RBBP8: variants seen among roughly 807,000 people sequenced by gnomAD.
RBBP8 encodes the protein RB binding protein 8, endonuclease.
In RBBP8, 88 loss-of-function variants were observed where a neutral mutation model predicts 108.3. That is an observed-to-expected ratio of 0.81 (90% CI 0.68 to 0.97). The LOEUF (loss-of-function observed/expected upper bound fraction) is 0.97. RBBP8 is among the 50% of genes least tolerant of loss of function. RBBP8 has a pLI of 0.00. For synonymous variants in RBBP8, 332 were observed against 348.2 expected (o/e 0.95, Z 0.52); for missense variants, 1,023 against 1,049.0 (o/e 0.98, Z 0.34).
chr18:22,989,248 CT>C lies in RBBP8; in HGVS notation c.738del (p.Asp247IlefsTer7), dbSNP rs1304958368. On this transcript the variant is annotated frameshift_variant, in exon 9 of 19. Coordinates refer to ENST00000327155, the MANE Select transcript of RBBP8 (RefSeq NM_002894.3). LOFTEE classifies it high-confidence loss of function. ...AKAHGTSSYTPDKSSFNLATV... is the reference protein window; with the variant it reads ...AKAHGTSSYTXDKSSFNLATV... ...GCACATGGAACAAGCAGCTATACCC[CT>C]GATAAGTCATCTTTTAATTTAGCTA... 1.2e-6 allele frequency: 2 copies of C among 1,610,320 alleles called. No individual in the cohort carries two copies. Among genetic ancestry groups the C allele is most frequent in the Non-Finnish European group, 1.7e-6 (2 of 1,177,088 alleles).
At chr18:23,007,572 C>T (rs1248319974) in intron 16 of RBBP8, among the ~76,000 whole-genome samples, 1 of 150,810 alleles carries the variant, frequency 6.6e-6, no homozygotes, top group Non-Finnish European at 1.5e-5. Context: ...GGTGTGGTGG[C>T]AGGCACCTGT....
At chr18:22,980,265 T>G (rs1226461745) in intron 6 of RBBP8, among the ~76,000 whole-genome samples, 2 of 151,888 alleles carry the variant, frequency 1.3e-5, no homozygotes, top group African/African-American at 4.8e-5. Flanking sequence ...TCTAAATAAA[T>G]AAAAATGAGT....
intron 4 of RBBP8, among the ~76,000 whole-genome samples, chr18:22,967,677 C>G (rs1362755213): frequency 1.4e-5 from 2 of 140,794 alleles, no homozygotes; most frequent in African/African-American, 5.4e-5. Context: ...GACGGAGTCT[C>G]GCTTTGTCAC....
chr18:22,974,860 C>G (rs1216094744), intron 5 of RBBP8, among the ~76,000 whole-genome samples: 2 of 152,100 alleles, frequency 1.3e-5, no homozygotes, highest in Non-Finnish European at 2.9e-5. Flanking sequence ...CTTTCTTGTC[C>G]TCAGTATGTA....
chr18:22,964,305 T>C (rs954016830), intron 4 of RBBP8, among the ~76,000 whole-genome samples: 3 of 151,702 alleles, frequency 2.0e-5, no homozygotes, highest in African/African-American at 7.3e-5. Flanking sequence ...CTTTGCAGCA[T>C]CCAGAAATTC....
At chr18:23,005,555 G>A (rs2046028133) in intron 15 of RBBP8, among the ~76,000 whole-genome samples, 1 of 152,072 alleles carries the variant, frequency 6.6e-6, no homozygotes. Flanking sequence ...TGGGATTACA[G>A]GCATGTGCCA....
intron 10 of RBBP8, among the ~76,000 whole-genome samples, chr18:22,992,427 C>T (rs1465626824): frequency 1.3e-5 from 2 of 152,176 alleles, no homozygotes; most frequent in African/African-American, 4.8e-5. Flanking sequence ...AACTTCTGGC[C>T]TCAAGTGATC....
At chr18:22,995,529 A>G (rs1044143936) in intron 12 of RBBP8, among the ~76,000 whole-genome samples, 1 of 152,194 alleles carries the variant, frequency 6.6e-6, no homozygotes, top group African/African-American at 2.4e-5. Context: ...CCATCACTGT[A>G]GTCTAGGTTT....
chr18:23,020,006 C>T (rs916530299), intron 17 of RBBP8, among the ~76,000 whole-genome samples: 1 of 151,822 alleles, frequency 6.6e-6, no homozygotes, highest in African/African-American at 2.4e-5. Flanking sequence ...TCGTGATCCG[C>T]CCGCTTCAGC....
chr18:22,994,910 G>A (rs2045827298), intron 12 of RBBP8, among the ~76,000 whole-genome samples: 2 of 151,920 alleles, frequency 1.3e-5, no homozygotes, highest in East Asian at 1.9e-4. Context: ...ATTTTTTGAA[G>A]TGACTGGGTT....
chr18:22,952,474 A>G (rs1255548229), intron 4 of RBBP8, among the ~76,000 whole-genome samples: 3 of 152,202 alleles, frequency 2.0e-5, no homozygotes, highest in African/African-American at 7.2e-5. Context: ...GACCACTAAC[A>G]ATACCTTCTT....
chr18:23,017,107 C>T (rs535192651), intron 17 of RBBP8, among the ~76,000 whole-genome samples, 183 bp downstream of exon 17: 9 of 152,234 alleles, frequency 5.9e-5, no homozygotes, highest in East Asian at 3.9e-4. Flanking sequence ...CTAATCTCAG[C>T]ATTTTGGGAG....
intron 1 of RBBP8, among the ~76,000 whole-genome samples, chr18:22,936,064 T>G (rs1910549871): frequency 6.6e-6 from 1 of 152,172 alleles, no homozygotes; most frequent in Admixed American, 6.5e-5. Context: ...ATTTTTCAGT[T>G]TTGGGCTCAG....
At position 22,997,608 on chromosome 18, in the gene RBBP8, ATATT is replaced by A. The variant is rs767111255; in HGVS notation, c.2029-5_2029-2del. The A allele has an allele frequency of 4.0e-5, 61 of 1,519,970 alleles. No individual in the cohort carries two copies. The African/African-American group carries it at 5.3e-4, about 13-fold the overall frequency. The allele number at this position is 1,519,970 out of a possible 1,614,324, so 94.2% of individuals were successfully genotyped here. A position where few individuals can be genotyped will look rare whatever the true frequency, so the allele number is the denominator to read the frequency against. The stretch of plus-strand genomic sequence containing the variant: ...ATTGTTAAAATTTTTGATTTTTAAA[ATATT>A]TATTTAGGATGGCAGTCAGTCAAAA... On this transcript the variant is annotated splice_region_variant and splice_polypyrimidine_tract_variant and intron_variant, in intron 13 of 18. Coordinates refer to ENST00000327155, the MANE Select transcript of RBBP8 (RefSeq NM_002894.3).
Position 23,019,335 on chromosome 18 carries a change from G to A in RBBP8, c.2454+2411G>A, listed in dbSNP as rs148964850. On this transcript the variant is annotated intron_variant, in intron 17 of 18. Transcript: ENST00000327155. ...TATCCAATCTCTGAAAACCATTATT[G>A]TATACATTTTAGTTTTTCTAGTTAA... 2.0e-5 allele frequency among the ~76,000 whole-genome samples: 3 copies of A among 152,182 alleles called. No individual in the cohort carries two copies. In the East Asian group the frequency reaches 5.8e-4, roughly 29 times the overall value.
At chr18:22,955,407 A>G (rs1279785879) in intron 4 of RBBP8, among the ~76,000 whole-genome samples, 1 of 152,128 alleles carries the variant, frequency 6.6e-6, no homozygotes, top group Non-Finnish European at 1.5e-5. Context: ...TTTTAAATAC[A>G]GTAGTTAGTA....
rs1568004946 is a variant in RBBP8, at chr18:23,016,650, A to T, written c.2358-178A>T. 9.9e-6 allele frequency: 6 copies of T among 608,086 alleles called. 1 individual carries two copies. The South Asian group carries it at 1.2e-4, about 12-fold the overall frequency. 37.7% of individuals were successfully genotyped at this position (608,086 alleles called of 1,614,324 possible). A position where few individuals can be genotyped will look rare whatever the true frequency, so the allele number is the denominator to read the frequency against. The stretch of plus-strand genomic sequence containing the variant: ...AAATAGTTTTAATTTTTTTAGTTAG[A>T]AAAAAATACCCATAAAAATACTTGG... On this transcript the variant is annotated intron_variant, in intron 16 of 18. Coordinates refer to ENST00000327155, the MANE Select transcript of RBBP8 (RefSeq NM_002894.3).
chr18:22,956,200 TTTAG>T (rs1406205545), intron 4 of RBBP8, among the ~76,000 whole-genome samples: 2 of 152,196 alleles, frequency 1.3e-5, no homozygotes, highest in Non-Finnish European at 2.9e-5. Flanking sequence ...AAAATTTTCT[TTTAG>T]TTCTATGTCA....
At chr18:22,998,045 C>G (rs1464952984) in intron 14 of RBBP8, among the ~76,000 whole-genome samples, 1 of 152,158 alleles carries the variant, frequency 6.6e-6, no homozygotes, top group African/African-American at 2.4e-5. Context: ...TATTGCCCAT[C>G]GCTGTTTGTT....
Sources: gnomAD v4.1 joint callset for allele counts (sites outside exome capture counted in the v4.1 genomes callset) on GRCh38, gnomAD v4.1.1 for gene constraint, MANE v1.5 for transcripts, NCBI Gene and HGNC (gene_info 2026-07-23, HGNC 2026-07-21) for gene names.